RANBP17: variants seen among roughly 807,000 people sequenced by gnomAD.
RANBP17 encodes ran-binding protein 17.
RANBP17 carries 158 observed loss-of-function variants against 141.2 expected under a neutral mutation model. That is an observed-to-expected ratio of 1.12 (90% CI 0.98 to 1.28). RANBP17 has a LOEUF of 1.28. Among genes scored for constraint, RANBP17 ranks in the 50% most tolerant of loss-of-function variants. RANBP17 has a pLI of 0.00. For missense variants in RANBP17, 1,438 were observed against 1,290.7 expected (o/e 1.11, Z -1.75); for synonymous variants, 430 against 450.0 (o/e 0.96, Z 0.56).
chr5:171,105,251 G>A lies in RANBP17; in HGVS notation c.1711-64879G>A, dbSNP rs992652840. ...CAAAAAATTAGCCGGGCGTAGTGGC[G>A]GGCGCCTGTAGTCCCAGCTACTTGG... On this transcript the variant is annotated intron_variant, in intron 14 of 27. Coordinates refer to ENST00000523189, the MANE Select transcript of RANBP17 (RefSeq NM_022897.5). Among the ~76,000 whole-genome samples, 49 of 149,098 alleles carry A rather than the reference G, an allele frequency of 3.3e-4. 1 individual carries two copies. In the East Asian group the frequency reaches 9.2e-3, roughly 28 times the overall value.
At chr5:171,066,280 T>A in intron 14 of RANBP17, among the ~76,000 whole-genome samples, 1 of 152,200 alleles carries the variant, frequency 6.6e-6, no homozygotes, top group Non-Finnish European at 1.5e-5. Flanking sequence ...ATTTCTCCTA[T>A]CCCACTGGAA....
rs552788214 is a variant in RANBP17 at position 171,125,795 on chromosome 5, T to A, written c.1711-44335T>A. The stretch of plus-strand genomic sequence containing the variant: ...CACACAAAAACAATCTCAGTAAATT[T>A]TTTTTTTTTTTTTGAGACGGAGTCT... On this transcript the variant is annotated intron_variant, in intron 14 of 27. Transcript: ENST00000523189. Among the ~76,000 whole-genome samples the A allele has an allele frequency of 2.0e-5, 3 of 151,828 alleles. No individual in the cohort carries two copies. The South Asian group carries it at 6.2e-4, about 32-fold the overall frequency.
intron 24 of RANBP17, among the ~76,000 whole-genome samples, chr5:171,245,401 G>A (rs528380702): frequency 1.8e-4 from 28 of 152,246 alleles, no homozygotes; most frequent in East Asian, 3.9e-4. Context: ...TGCAACCTCC[G>A]TCTCCCGGGT....
rs184417319 is a variant in RANBP17, at chr5:171,037,599, C to T, written c.1710+69222C>T. Among the ~76,000 whole-genome samples, 273 of 152,044 alleles carry T rather than the reference C, an allele frequency of 1.8e-3. 1 individual carries two copies. Among genetic ancestry groups the T allele is most frequent in the African/African-American group, 6.4e-3 (266 of 41,514 alleles). On this transcript the variant is annotated intron_variant, in intron 14 of 27. Coordinates refer to ENST00000523189, the MANE Select transcript of RANBP17 (RefSeq NM_022897.5). Reference sequence around the variant, plus strand: ...CTTATATTAAAATCTGTTAATCGGTCGAGTTAATTTTTGTATATGGTATAT... The same window carrying T: ...CTTATATTAAAATCTGTTAATCGGTTGAGTTAATTTTTGTATATGGTATAT...
chr5:170,908,256 G>A (rs531750342), intron 5 of RANBP17, among the ~76,000 whole-genome samples: 156 of 152,006 alleles, frequency 1.0e-3, no homozygotes, highest in African/African-American at 3.5e-3. Context: ...AAGCAAAGAC[G>A]TGGAATCAGC....
intron 14 of RANBP17, among the ~76,000 whole-genome samples, chr5:171,135,516 T>C (rs1299427888): frequency 6.6e-6 from 1 of 152,176 alleles, no homozygotes; most frequent in Non-Finnish European, 1.5e-5. Flanking sequence ...TATTTCTGTA[T>C]TCCTGCGTAG....
intron 14 of RANBP17, among the ~76,000 whole-genome samples, chr5:171,046,662 C>T (rs1239688357): frequency 1.3e-5 from 2 of 151,936 alleles, no homozygotes; most frequent in Non-Finnish European, 2.9e-5. Context: ...AGAATAGCTG[C>T]CTTCAATTTC....
At chr5:171,290,242 G>T (rs1282688257) in intron 25 of RANBP17, among the ~76,000 whole-genome samples, 1 of 152,022 alleles carries the variant, frequency 6.6e-6, no homozygotes, top group Non-Finnish European at 1.5e-5. Context: ...GGTGGCACGT[G>T]CCTGTAATCC....
chr5:171,140,306 A>T (rs953265111), intron 14 of RANBP17, among the ~76,000 whole-genome samples: 1 of 152,166 alleles, frequency 6.6e-6, no homozygotes, highest in Non-Finnish European at 1.5e-5. Flanking sequence ...ATCATGTTTG[A>T]TTTTGTCCAT....
At chr5:170,979,546 A>G (rs889882658) in intron 14 of RANBP17, among the ~76,000 whole-genome samples, 1 of 152,160 alleles carries the variant, frequency 6.6e-6, no homozygotes, top group Non-Finnish European at 1.5e-5. Flanking sequence ...TAATTGAATC[A>G]TGGGACAGGT....
At chr5:170,873,432 C>T (rs1767920156) in intron 1 of RANBP17, among the ~76,000 whole-genome samples, 1 of 152,172 alleles carries the variant, frequency 6.6e-6, no homozygotes, top group Non-Finnish European at 1.5e-5. Context: ...GTATCAGCTC[C>T]TCTTTGTACC....
At chr5:170,931,281 G>A (rs1379397775) in intron 12 of RANBP17, among the ~76,000 whole-genome samples, 1 of 152,112 alleles carries the variant, frequency 6.6e-6, no homozygotes, top group East Asian at 1.9e-4. Flanking sequence ...TTGTAAATTT[G>A]TTTAAGTTCT....
intron 18 of RANBP17, among the ~76,000 whole-genome samples, chr5:171,188,251 A>G (rs1761400395): frequency 6.6e-6 from 1 of 152,266 alleles, no homozygotes. Flanking sequence ...TAAACCAGGC[A>G]TGCAAAACCC....
At chr5:171,087,945 G>C (rs1785821323) in intron 14 of RANBP17, among the ~76,000 whole-genome samples, 1 of 151,638 alleles carries the variant, frequency 6.6e-6, no homozygotes. Flanking sequence ...CTTTTAATTG[G>C]AGAATTTAGT....
chr5:171,227,463 T>C (rs1312099378), intron 22 of RANBP17, among the ~76,000 whole-genome samples: 1 of 152,144 alleles, frequency 6.6e-6, no homozygotes, highest in Admixed American at 6.5e-5. Flanking sequence ...AGAAGAAAAG[T>C]TGGAAGCTAG....
chr5:171,125,382 A>G (rs373411562), intron 14 of RANBP17, among the ~76,000 whole-genome samples: 2 of 151,264 alleles, frequency 1.3e-5, no homozygotes, highest in South Asian at 2.1e-4. Context: ...AAGGAACTGT[A>G]TATCAAACAA....
intron 24 of RANBP17, among the ~76,000 whole-genome samples, chr5:171,258,123 AC>A (rs1766037694): frequency 1.2e-5 from 1 of 82,410 alleles, no homozygotes; most frequent in Admixed American, 1.2e-4. Context: ...AAAAATACAC[AC>A]ACACACACAC....
intron 14 of RANBP17, among the ~76,000 whole-genome samples, chr5:171,101,530 G>T (rs773477510): frequency 6.6e-6 from 1 of 152,170 alleles, no homozygotes; most frequent in African/African-American, 2.4e-5. Context: ...ACAGCACACT[G>T]ATGGGTCTTG....
chr5:171,191,753 G>A (rs979805440), intron 18 of RANBP17, among the ~76,000 whole-genome samples: 1 of 151,748 alleles, frequency 6.6e-6, no homozygotes, highest in Non-Finnish European at 1.5e-5. Flanking sequence ...GGTCAGCCAT[G>A]TATGTAGTGG....
Sources: gnomAD v4.1 joint callset for allele counts (sites outside exome capture counted in the v4.1 genomes callset) on GRCh38, gnomAD v4.1.1 for gene constraint, MANE v1.5 for transcripts, NCBI Gene and HGNC (gene_info 2026-07-23, HGNC 2026-07-21) for gene names.